CRY1: variants seen among roughly 807,000 people sequenced by gnomAD.
CRY1 encodes the protein cryptochrome circadian regulator 1, also known as cryptochrome-1.
In CRY1, 45 loss-of-function variants were observed where a neutral mutation model predicts 76.0. That is an observed-to-expected ratio of 0.59 (90% CI 0.47 to 0.76). The LOEUF (loss-of-function observed/expected upper bound fraction) is 0.76. Ranked by LOEUF, CRY1 falls within the 30% of genes least tolerant of loss-of-function variation. CRY1 has a pLI of 0.00. For missense variants in CRY1, 587 were observed against 716.4 expected (o/e 0.82, Z 2.06); for synonymous variants, 248 against 244.0 (o/e 1.02, Z -0.15).
In CRY1 at chr12:106,992,767, T is replaced by C; in HGVS notation, c.*20A>G. On this transcript the variant is annotated intron_variant, in intron 12 of 12. Transcript: ENST00000008527. ...TTATATACTCTTCTAAAGCAAGAAATACAGCTCTAAAATATTTACCTAATT... is the reference window on the plus strand; with the variant it reads ...TTATATACTCTTCTAAAGCAAGAAACACAGCTCTAAAATATTTACCTAATT... The C allele has an allele frequency of 6.4e-7, 1 of 1,574,776 alleles. No homozygotes were observed. Among genetic ancestry groups the C allele is most frequent in the Non-Finnish European group, 8.7e-7 (1 of 1,144,668 alleles).
intron 1 of CRY1, among the ~76,000 whole-genome samples, chr12:107,087,819 A>G (rs953130357): frequency 2.0e-5 from 3 of 152,146 alleles, no homozygotes; most frequent in Non-Finnish European, 4.4e-5. Flanking sequence ...AGGCTGAGGC[A>G]GGAGAATTGC....
intron 10 of CRY1, among the ~76,000 whole-genome samples, chr12:106,996,910 T>A (rs1172680230): frequency 1.3e-5 from 2 of 152,332 alleles, no homozygotes; most frequent in South Asian, 4.1e-4. Flanking sequence ...GTACAATAAA[T>A]CTTTTGGCCA....
chr12:106,992,629 T>C, intron 12 of CRY1, 158 bp downstream of exon 12: 1 of 638,496 alleles, frequency 1.6e-6, no homozygotes, highest in South Asian at 2.1e-5. Flanking sequence ...GCATGTCTCT[T>C]GACCAAAAAT....
chr12:106,992,390 C>T (rs1952188971), intron 12 of CRY1: 1 of 156,070 alleles, frequency 6.4e-6, no homozygotes, highest in African/African-American at 2.4e-5. Flanking sequence ...AATTTATCAA[C>T]ATTTAAGAGG....
At chr12:107,067,207 A>T (rs181721009) in intron 1 of CRY1, among the ~76,000 whole-genome samples, 88 of 152,330 alleles carry the variant, frequency 5.8e-4, no homozygotes, top group African/African-American at 2.0e-3. Flanking sequence ...AAAGGGCTGC[A>T]TAAAAAAAAG....
intron 1 of CRY1, among the ~76,000 whole-genome samples, chr12:107,033,648 T>C (rs575481647): frequency 6.6e-6 from 1 of 152,168 alleles, no homozygotes. Flanking sequence ...ATATAACCAA[T>C]TGACGAGATG....
At chr12:107,031,139 T>C (rs1428715873) in intron 1 of CRY1, among the ~76,000 whole-genome samples, 1 of 152,020 alleles carries the variant, frequency 6.6e-6, no homozygotes, top group Non-Finnish European at 1.5e-5. Context: ...ACAGAAAAGT[T>C]CTTAAAATAA....
At chr12:107,011,489 G>A (rs148936923) in intron 2 of CRY1, among the ~76,000 whole-genome samples, 1 of 152,206 alleles carries the variant, frequency 6.6e-6, no homozygotes, top group East Asian at 1.9e-4. Flanking sequence ...ATGAACACAT[G>A]AATCATAAAA....
intron 1 of CRY1, among the ~76,000 whole-genome samples, chr12:107,033,641 T>C (rs1220297905): frequency 2.6e-5 from 4 of 152,048 alleles, no homozygotes; most frequent in Non-Finnish European, 4.4e-5. Flanking sequence ...AAAAACTATA[T>C]AACCAATTGA....
chr12:107,038,378 G>A lies in CRY1; in HGVS notation c.159-16186C>T, dbSNP rs139864563. Among the ~76,000 whole-genome samples the A allele has an allele frequency of 6.3e-3, 965 of 152,276 alleles. 11 individuals are homozygous for A. Among genetic ancestry groups the A allele is most frequent in the Middle Eastern group, 0.024 (7 of 294 alleles). On this transcript the variant is annotated intron_variant, in intron 1 of 12. Coordinates refer to ENST00000008527, the MANE Select transcript of CRY1 (RefSeq NM_004075.5). ...ATAAACAGAAGGAATGATAGAGAAG[G>A]CTGAAGAGAGAGCAGAAAAGAGGAA...
Position 107,048,505 on chromosome 12 carries a change from T to C in CRY1, c.159-26313A>G, listed in dbSNP as rs116198503. On this transcript the variant is annotated intron_variant, in intron 1 of 12. Coordinates refer to ENST00000008527, the MANE Select transcript of CRY1 (RefSeq NM_004075.5). The stretch of plus-strand genomic sequence containing the variant: ...AAACCCCTCTAGATTTCCTTCATAT[T>C]TGATCTGCAGATTCTGTTTATCTGT... Among the ~76,000 whole-genome samples the C allele has an allele frequency of 6.9e-3, 1,057 of 152,336 alleles. 19 individuals carry two copies. Among genetic ancestry groups the C allele is most frequent in the African/African-American group, 0.024 (1,013 of 41,572 alleles).
intron 1 of CRY1, among the ~76,000 whole-genome samples, chr12:107,077,643 T>C (rs1379697822): frequency 2.6e-5 from 4 of 152,192 alleles, no homozygotes; most frequent in Non-Finnish European, 4.4e-5. Flanking sequence ...CTAAAAGTTA[T>C]CTATATATTT....
intron 1 of CRY1, among the ~76,000 whole-genome samples, chr12:107,034,173 T>C (rs1308658117): frequency 1.3e-5 from 2 of 152,042 alleles, no homozygotes; most frequent in Admixed American, 1.3e-4. Context: ...GAGACGAAAG[T>C]GACCTCTGGT....
At chr12:107,010,337 G>C (rs1349274291) in intron 2 of CRY1, among the ~76,000 whole-genome samples, 1 of 151,996 alleles carries the variant, frequency 6.6e-6, no homozygotes, top group Admixed American at 6.6e-5. Context: ...TTTTGGCTTT[G>C]TTGACTAACA....
At chr12:107,054,924 C>A (rs1952966300) in intron 1 of CRY1, among the ~76,000 whole-genome samples, 1 of 151,968 alleles carries the variant, frequency 6.6e-6, no homozygotes, top group South Asian at 2.1e-4. Flanking sequence ...AATGACAGAG[C>A]TTCAAATAAA....
intron 2 of CRY1, among the ~76,000 whole-genome samples, chr12:107,006,844 A>G (rs1952382096): frequency 6.6e-6 from 1 of 151,930 alleles, no homozygotes; most frequent in Non-Finnish European, 1.5e-5. Context: ...TAGAGAAGGC[A>G]TTTTGCCATT....
Position 106,997,281 on chromosome 12 carries a change from C to T in CRY1, c.1585+13G>A. ...TTCATGTTACTAAGTGCAGAAATTT[C>T]CTTTTCACTTACTTCCACTGCTGCT... On this transcript the variant is annotated intron_variant, in intron 10 of 12. Coordinates refer to ENST00000008527, the MANE Select transcript of CRY1 (RefSeq NM_004075.5). The T allele has an allele frequency of 6.2e-7, 1 of 1,607,594 alleles. No individual in the cohort carries two copies. The highest frequency in any genetic ancestry group is 1.7e-4 in the Middle Eastern group (1 of 6,044).
intron 1 of CRY1, among the ~76,000 whole-genome samples, chr12:107,040,525 C>A (rs1335412402): frequency 2.0e-5 from 3 of 151,916 alleles, no homozygotes; most frequent in Non-Finnish European, 4.4e-5. Flanking sequence ...ACCTCATGAT[C>A]CACCCACATC....
At chr12:107,005,350 A>C in intron 2 of CRY1, 102 bp from the exon 3 acceptor site, 1 of 1,252,224 alleles carries the variant, frequency 8.0e-7, no homozygotes, top group East Asian at 2.4e-5. Context: ...TCAAAGGATT[A>C]TACATAAATC....
Sources: allele counts gnomAD v4.1 joint callset (sites outside exome capture counted in the v4.1 genomes callset), GRCh38; gene constraint gnomAD v4.1.1; transcripts MANE v1.5; gene names NCBI Gene and HGNC (gene_info 2026-07-23, HGNC 2026-07-21).